The following RFTN2 variants were observed in gnomAD, a reference collection of about 807,000 sequenced individuals.
The protein encoded by RFTN2 is raftlin-2.
Under a neutral mutation model 52.7 loss-of-function variants are expected in RFTN2, and 34 were observed. That is an observed-to-expected ratio of 0.64 (90% CI 0.49 to 0.86). The LOEUF is 0.86. Ranked by LOEUF, RFTN2 falls within the 40% of genes least tolerant of loss-of-function variation. The pLI is 0.00. For synonymous variants in RFTN2, 203 were observed against 217.7 expected (o/e 0.93, Z 0.59); for missense variants, 536 against 600.1 (o/e 0.89, Z 1.12).
At chr2:197,651,082 G>C (rs1027523852) in intron 1 of RFTN2, among the ~76,000 whole-genome samples, 2 of 152,120 alleles carry the variant, frequency 1.3e-5, no homozygotes, top group Non-Finnish European at 2.9e-5. Context: ...AGAACTGTCT[G>C]TTCAAACCCT....
Position 197,571,848 on chromosome 2 carries a change from G to A in RFTN2, c.*160C>T, listed in dbSNP as rs2087323009. Reference sequence around the variant, plus strand: ...ATAAATATGTTGGTTATTCTTCCTTGTCTGGGAGGTTGTGCCAAAGTTTAC... The same window carrying A: ...ATAAATATGTTGGTTATTCTTCCTTATCTGGGAGGTTGTGCCAAAGTTTAC... On this transcript the variant is annotated 3_prime_UTR_variant, in exon 9 of 9. Coordinates refer to ENST00000295049, the MANE Select transcript of RFTN2 (RefSeq NM_144629.3). 3.1e-6 allele frequency: 2 copies of A among 638,834 alleles called. No individual in the cohort carries two copies. Among genetic ancestry groups the A allele is most frequent in the Non-Finnish European group, 2.7e-6 (1 of 367,212 alleles). 39.6% of individuals were successfully genotyped at this position (638,834 alleles called of 1,614,324 possible).
At chr2:197,603,073 T>C (rs769776966) in intron 7 of RFTN2, among the ~76,000 whole-genome samples, 3 of 152,118 alleles carry the variant, frequency 2.0e-5, no homozygotes, top group African/African-American at 4.8e-5. Flanking sequence ...GGGACTGTTG[T>C]GGGGTGCAGG....
chr2:197,575,211 G>C (rs2087392186), intron 8 of RFTN2, among the ~76,000 whole-genome samples: 1 of 152,188 alleles, frequency 6.6e-6, no homozygotes, highest in Admixed American at 6.5e-5. Flanking sequence ...ACATGACTTT[G>C]CTCCTCATTC....
chr2:197,659,496 A>G (rs865908866), intron 1 of RFTN2, among the ~76,000 whole-genome samples: 92 of 151,534 alleles, frequency 6.1e-4, no homozygotes, highest in African/African-American at 2.1e-3. Flanking sequence ...AAAAAAAAAA[A>G]AAAGAAATAT....
intron 5 of RFTN2, 139 bp from the exon 6 acceptor site, chr2:197,618,060 C>A: frequency 2.4e-6 from 1 of 424,934 alleles, no homozygotes; most frequent in Non-Finnish European, 3.8e-6. Context: ...CCCTCCCCCT[C>A]CCCCTCTCCC....
intron 2 of RFTN2, among the ~76,000 whole-genome samples, chr2:197,646,247 A>G (rs2088746179): frequency 1.3e-5 from 2 of 152,126 alleles, no homozygotes; most frequent in Non-Finnish European, 2.9e-5. Context: ...CCCTTTGTTC[A>G]CTGACATCCT....
chr2:197,633,946 G>T lies in RFTN2; in HGVS notation c.490C>A (p.His164Asn), dbSNP rs1232795785. ...TTGCAGAATTTAGATGGAGAATAAT[G>T]CTGTGATATGAATCCAACAAATTTC... Reference protein sequence around the residue: ...GMKFVGFISQHYSPSKFCNGT... With the variant: ...GMKFVGFISQNYSPSKFCNGT... The change falls in exon 4 of 9, where the codon CAT becomes AAT. Residue 164 changes from histidine to asparagine, a missense_variant. His to Asn is a moderately conservative substitution (Grantham distance 68). Transcript: ENST00000295049. 6.2e-7 allele frequency: 1 copy of T among 1,613,200 alleles called. No individual in the cohort carries two copies. Among genetic ancestry groups the T allele is most frequent in the East Asian group, 2.2e-5 (1 of 44,864 alleles).
Position 197,569,473 on chromosome 2 carries a change from ATAACT to A in RFTN2, c.*2530_*2534del, listed in dbSNP as rs1253390224. ...ATTCGCTATCATACAAATTCATCAC[ATAACT>A]TAAGGGTAATTGTTGGAGCAAATGC... On this transcript the variant is annotated 3_prime_UTR_variant, in exon 9 of 9. Coordinates refer to ENST00000295049, the MANE Select transcript of RFTN2 (RefSeq NM_144629.3). 4 of 152,352 alleles carry A rather than the reference ATAACT, an allele frequency of 2.6e-5. No individual in the cohort carries two copies. The highest frequency in any genetic ancestry group is 2.1e-4 in the South Asian group (1 of 4,830). 9.4% of individuals were successfully genotyped at this position (152,352 alleles called of 1,614,324 possible).
Position 197,617,800 on chromosome 2 carries a change from C to G in RFTN2, c.1050G>C (p.Glu350Asp). ...AIVVEQWTVI[E>D]GCEIKTDYGP... ...AAATTGTCAGAAAACTGCAGCTCAC[C>G]TCAATAACAGTCCATTGTTCTACTA... Residue 350 changes from glutamate to aspartate, a missense_variant and splice_region_variant, in exon 6 of 9, where the codon GAG (glutamate) becomes GAC (aspartate). By Grantham distance (45) the Glu-to-Asp change is conservative. Coordinates refer to ENST00000295049, the MANE Select transcript of RFTN2 (RefSeq NM_144629.3). The G allele has an allele frequency of 6.5e-7, 1 of 1,547,638 alleles. No individual in the cohort carries two copies. The highest frequency in any genetic ancestry group is 1.4e-5 in the African/African-American group (1 of 72,426).
At chr2:197,585,588 C>A (rs2106173565) in intron 8 of RFTN2, among the ~76,000 whole-genome samples, 1 of 152,298 alleles carries the variant, frequency 6.6e-6, no homozygotes, top group South Asian at 2.1e-4. Context: ...GCTATCTCCA[C>A]CACACTATCA....
At chr2:197,606,984 A>G (rs969094056) in intron 7 of RFTN2, among the ~76,000 whole-genome samples, 5 of 152,250 alleles carry the variant, frequency 3.3e-5, no homozygotes, top group Non-Finnish European at 5.9e-5. Context: ...TACTGGGTAT[A>G]TACCCAAAGG....
At position 197,634,002 on chromosome 2, in the gene RFTN2, T is replaced by C; in HGVS notation, c.439-5A>G. On this transcript the variant is annotated splice_region_variant and splice_polypyrimidine_tract_variant and intron_variant, in intron 3 of 8. Coordinates refer to ENST00000295049, the MANE Select transcript of RFTN2 (RefSeq NM_144629.3). ...TCTTTTAGCAGCGACATTAATCTGATATTTAAAAAGAGATGGCAGAACAAA... is the reference window on the plus strand; with the variant it reads ...TCTTTTAGCAGCGACATTAATCTGACATTTAAAAAGAGATGGCAGAACAAA... 6.2e-7 allele frequency: 1 copy of C among 1,602,398 alleles called. No individual in the cohort carries two copies. Among genetic ancestry groups the C allele is most frequent in the Non-Finnish European group, 8.5e-7 (1 of 1,173,518 alleles).
At chr2:197,654,454 A>G (rs552010806) in intron 1 of RFTN2, among the ~76,000 whole-genome samples, 19 of 152,260 alleles carry the variant, frequency 1.2e-4, no homozygotes, top group Middle Eastern at 3.4e-3. Context: ...GAGGGGTGTT[A>G]AAGACATATT....
chr2:197,621,234 TA>T (rs1390032867), intron 5 of RFTN2, among the ~76,000 whole-genome samples: 1 of 152,092 alleles, frequency 6.6e-6, no homozygotes, highest in Non-Finnish European at 1.5e-5. Context: ...CTGTGATAAT[TA>T]CATAGTTAAT....
Position 197,570,656 on chromosome 2 carries a change from G to C in RFTN2, c.*1352C>G, listed in dbSNP as rs2087300887. The stretch of plus-strand genomic sequence containing the variant: ...GAGGCAGGAGAATCGCTTGAAGCCA[G>C]GAGGTGGAGGTTGCAGTGAGCTGCG... On this transcript the variant is annotated 3_prime_UTR_variant, in exon 9 of 9. Coordinates refer to ENST00000295049, the MANE Select transcript of RFTN2 (RefSeq NM_144629.3). 1.3e-5 allele frequency: 2 copies of C among 152,220 alleles called. No individual in the cohort carries two copies. The highest frequency in any genetic ancestry group is 4.8e-5 in the African/African-American group (2 of 41,460). The allele number at this position is 152,220 out of a possible 1,614,324, so 9.4% of individuals were successfully genotyped here.
chr2:197,576,462 T>C (rs962137680), intron 8 of RFTN2, among the ~76,000 whole-genome samples: 2 of 152,214 alleles, frequency 1.3e-5, no homozygotes, highest in Non-Finnish European at 2.9e-5. Flanking sequence ...TACAAAGAGC[T>C]CATTTACTGA....
At position 197,578,932 on chromosome 2, in the gene RFTN2, C is replaced by T. The variant is rs188768989; in HGVS notation, c.1234-6652G>A. Among the ~76,000 whole-genome samples the T allele has an allele frequency of 4.7e-3, 717 of 152,298 alleles. 3 individuals carry two copies. The highest frequency in any genetic ancestry group is 0.017 in the African/African-American group (688 of 41,540). On this transcript the variant is annotated intron_variant, in intron 8 of 8. Coordinates refer to ENST00000295049, the MANE Select transcript of RFTN2 (RefSeq NM_144629.3). ...ACCAATTTTAAATCAAGTAAGCGGCCTCTTTTACTCTCTTCTCCAACCTCT... is the reference window on the plus strand; with the variant it reads ...ACCAATTTTAAATCAAGTAAGCGGCTTCTTTTACTCTCTTCTCCAACCTCT...
intron 8 of RFTN2, among the ~76,000 whole-genome samples, chr2:197,589,628 T>C (rs547052820): frequency 2.0e-5 from 3 of 152,350 alleles, no homozygotes; most frequent in African/African-American, 7.2e-5. Context: ...TAAGCATCTT[T>C]TCATGTATTT....
intron 3 of RFTN2, among the ~76,000 whole-genome samples, chr2:197,643,069 G>A (rs1437850379): frequency 6.6e-6 from 1 of 152,032 alleles, no homozygotes; most frequent in Admixed American, 6.6e-5. Flanking sequence ...ATGAATGTTA[G>A]CTTTTCTTTG....
Sources: gnomAD v4.1 joint callset for allele counts (sites outside exome capture counted in the v4.1 genomes callset) on GRCh38, gnomAD v4.1.1 for gene constraint, MANE v1.5 for transcripts, NCBI Gene and HGNC (gene_info 2026-07-23, HGNC 2026-07-21) for gene names.